The following AKT3 variants were observed in gnomAD, a reference collection of about 807,000 sequenced individuals.
AKT3 encodes AKT serine/threonine kinase 3.
A neutral mutation model predicts 65.3 loss-of-function variants in AKT3; 15 were observed. The ratio of observed to expected loss-of-function variants is 0.23; its 90% CI spans 0.15 to 0.35. The LOEUF (loss-of-function observed/expected upper bound fraction) is 0.35, where lower values mean the gene tolerates loss of function less well. Ranked by LOEUF, AKT3 falls within the 10% of genes least tolerant of loss-of-function variation. The pLI is 1.00. For missense variants in AKT3, 243 were observed against 576.5 expected (o/e 0.42, Z 5.92); for synonymous variants, 206 against 183.8 (o/e 1.12, Z -0.98).
chr1:243,600,904 G>C (rs1159321872), intron 8 of AKT3, among the ~76,000 whole-genome samples: 1 of 152,090 alleles, frequency 6.6e-6, no homozygotes, highest in Admixed American at 6.6e-5. Flanking sequence ...TGGTTGGAAA[G>C]CCTATCAGTG....
chr1:243,843,625 C>T, intron 1 of AKT3: 7 of 947,962 alleles, frequency 7.4e-6, no homozygotes, highest in Non-Finnish European at 8.8e-6. Flanking sequence ...CCCTAAATCC[C>T]TGTAATTTCA....
At chr1:243,695,759 C>T (rs370256445) in intron 2 of AKT3, 43 bp from the exon 3 acceptor site, 1 of 1,527,200 alleles carries the variant, frequency 6.5e-7, no homozygotes, top group Non-Finnish European at 8.8e-7. Context: ...AAAAAATGAA[C>T]AGCAGCTTTT....
chr1:243,742,994 G>A (rs1424711377), intron 2 of AKT3, among the ~76,000 whole-genome samples: 1 of 152,160 alleles, frequency 6.6e-6, no homozygotes, highest in Non-Finnish European at 1.5e-5. Context: ...GAAGAGGTCA[G>A]AAGGAGGTAG....
At chr1:243,517,621 T>C (rs191225015) in intron 12 of AKT3, among the ~76,000 whole-genome samples, 3 of 152,338 alleles carry the variant, frequency 2.0e-5, no homozygotes, top group Admixed American at 2.0e-4. Context: ...AGCACTCTAG[T>C]TTTCTTCTGA....
At chr1:243,589,056 C>A (rs942163320) in intron 8 of AKT3, among the ~76,000 whole-genome samples, 35 of 151,788 alleles carry the variant, frequency 2.3e-4, no homozygotes, top group African/African-American at 8.2e-4. Flanking sequence ...GCCTGCAATC[C>A]CAGCACTTTG....
chr1:243,659,566 G>T (rs1682115689), intron 4 of AKT3, among the ~76,000 whole-genome samples: 1 of 152,054 alleles, frequency 6.6e-6, no homozygotes, highest in African/African-American at 2.4e-5. Flanking sequence ...GTACAGAAAG[G>T]TCAAAGGGGA....
chr1:243,802,089 G>T (rs9428584), intron 2 of AKT3, among the ~76,000 whole-genome samples: 1 of 151,962 alleles, frequency 6.6e-6, no homozygotes, highest in African/African-American at 2.4e-5. Context: ...AATAATACCC[G>T]GCTTGACTGT....
chr1:243,647,301 G>A (rs1317489138), intron 4 of AKT3, among the ~76,000 whole-genome samples: 1 of 152,100 alleles, frequency 6.6e-6, no homozygotes, highest in African/African-American at 2.4e-5. Context: ...TATATGTTTA[G>A]ATACATAAAT....
intron 9 of AKT3, among the ~76,000 whole-genome samples, chr1:243,569,310 C>T (rs1558621855): frequency 6.6e-6 from 1 of 152,188 alleles, no homozygotes; most frequent in Non-Finnish European, 1.5e-5. Context: ...AAATAGGTTG[C>T]CAGGCTATTT....
intron 2 of AKT3, among the ~76,000 whole-genome samples, chr1:243,805,357 G>A (rs1692658008): frequency 1.3e-5 from 2 of 151,902 alleles, no homozygotes; most frequent in South Asian, 4.2e-4. Context: ...TTCTCTGCCA[G>A]CTATAGTATT....
chr1:243,743,217 T>G (rs1182506747), intron 2 of AKT3, among the ~76,000 whole-genome samples: 1 of 152,216 alleles, frequency 6.6e-6, no homozygotes, highest in African/African-American at 2.4e-5. Flanking sequence ...AATTGGCCGG[T>G]AAACCTAAAA....
chr1:243,649,511 C>A (rs1180699228), intron 4 of AKT3, among the ~76,000 whole-genome samples: 1 of 151,928 alleles, frequency 6.6e-6, no homozygotes, highest in African/African-American at 2.4e-5. Context: ...TTGCTGTGCC[C>A]ATCAATCCGT....
At chr1:243,849,466 G>A (rs1469978053) in intron 1 of AKT3, among the ~76,000 whole-genome samples, 1 of 144,424 alleles carries the variant, frequency 6.9e-6, no homozygotes, top group Non-Finnish European at 1.5e-5. Flanking sequence ...GGAGACCCCG[G>A]GGACGCCTGT....
intron 12 of AKT3, among the ~76,000 whole-genome samples, chr1:243,539,200 C>T (rs1672125703): frequency 6.6e-6 from 1 of 152,050 alleles, no homozygotes. Flanking sequence ...CTTGAGACAG[C>T]CAAGTCCAAT....
chr1:243,648,347 A>C (rs1299011968), intron 4 of AKT3, among the ~76,000 whole-genome samples: 1 of 152,142 alleles, frequency 6.6e-6, no homozygotes, highest in African/African-American at 2.4e-5. Context: ...CAGATTTTTA[A>C]CTTTATCATA....
chr1:243,589,220 C>T (rs1274222484), intron 8 of AKT3, among the ~76,000 whole-genome samples: 4 of 148,448 alleles, frequency 2.7e-5, no homozygotes, highest in East Asian at 2.0e-4. Flanking sequence ...GCAGGAGAAT[C>T]GCTTGAACCC....
chr1:243,659,739 G>A (rs940652236), intron 4 of AKT3, among the ~76,000 whole-genome samples: 3 of 152,142 alleles, frequency 2.0e-5, no homozygotes, highest in Non-Finnish European at 2.9e-5. Flanking sequence ...TATAAGACAG[G>A]TGAGAGATAT....
At chr1:243,537,328 G>C (rs1031143378) in intron 12 of AKT3, among the ~76,000 whole-genome samples, 1 of 151,850 alleles carries the variant, frequency 6.6e-6, no homozygotes, top group Admixed American at 6.6e-5. Context: ...TGAATTTCCA[G>C]ACATATTTAT....
At chr1:243,499,617 A>C (rs1669002450), downstream of AKT3, 2 of 735,682 alleles carry the variant, frequency 2.7e-6, no homozygotes, top group African/African-American at 1.8e-5. Context: ...CTTTTCATAT[A>C]ATTTCCACAT....
Sources: allele counts gnomAD v4.1 joint callset (sites outside exome capture counted in the v4.1 genomes callset), GRCh38; gene constraint gnomAD v4.1.1; transcripts MANE v1.5; gene names NCBI Gene and HGNC (gene_info 2026-07-23, HGNC 2026-07-21).